The following CSF1R variants were observed in gnomAD, a reference collection of about 807,000 sequenced individuals.
CSF1R encodes colony stimulating factor 1 receptor, also known as macrophage colony-stimulating factor 1 receptor.
CSF1R carries 40 observed loss-of-function variants against 110.0 expected under a neutral mutation model. The ratio of observed to expected loss-of-function variants is 0.36; its 90% CI spans 0.28 to 0.47. The LOEUF is 0.47. CSF1R is among the 20% of genes least tolerant of loss of function. The pLI is 0.99. For synonymous variants in CSF1R, 523 were observed against 503.4 expected (o/e 1.04, Z -0.52); for missense variants, 1,052 against 1,253.0 (o/e 0.84, Z 2.42).
chr5:150,058,451 C>G (rs1402708119), intron 14 of CSF1R, among the ~76,000 whole-genome samples: 1 of 152,202 alleles, frequency 6.6e-6, no homozygotes, highest in South Asian at 2.1e-4. Flanking sequence ...CCGAAAAAAC[C>G]TTCCGCTCCC....
chr5:150,098,943 T>C (rs1759309369), intron 1 of CSF1R, among the ~76,000 whole-genome samples: 1 of 148,690 alleles, frequency 6.7e-6, no homozygotes, highest in Non-Finnish European at 1.5e-5. Context: ...ACCCAGGCTA[T>C]AGTGCAGTGG....
intron 1 of CSF1R, among the ~76,000 whole-genome samples, chr5:150,095,618 A>G (rs1759195981): frequency 6.6e-6 from 1 of 152,162 alleles, no homozygotes. Flanking sequence ...AACTAGAAAA[A>G]GAAGAACAAA....
intron 1 of CSF1R, among the ~76,000 whole-genome samples, chr5:150,101,660 C>CT (rs34618542): frequency 0.026 from 3,621 of 140,024 alleles, 153 homozygotes; most frequent in African/African-American, 0.088. Flanking sequence ...TCCTTGCCTT[C>CT]TTTTTTTTTT....
chr5:150,091,446 A>G (rs546902531), upstream of CSF1R, among the ~76,000 whole-genome samples: 26 of 152,360 alleles, frequency 1.7e-4, no homozygotes, highest in African/African-American at 6.0e-4. Context: ...AAGGGAATGA[A>G]ATACTGGTAC....
At chr5:150,095,098 C>T (rs1759179650) in intron 1 of CSF1R, 1 of 518,790 alleles carries the variant, frequency 1.9e-6, no homozygotes, top group Admixed American at 3.7e-5. Flanking sequence ...TAAACAGTAC[C>T]TGCTCTCAAA....
chr5:150,059,481 C>T (rs2027798), intron 14 of CSF1R, among the ~76,000 whole-genome samples: 69,022 of 152,084 alleles, frequency 0.45, 18,599 homozygotes, highest in Non-Finnish European at 0.6. Context: ...TCCCAGAACA[C>T]GGTAGGTGTT....
intron 16 of CSF1R, 36 bp from the exon 17 acceptor site, chr5:150,056,377 TCTC>T (rs762982186): frequency 9.3e-6 from 15 of 1,612,400 alleles, no homozygotes; most frequent in African/African-American, 8.0e-5. Context: ...TCTTGGGCCT[TCTC>T]CTACCTGAGC....
chr5:150,055,145 G>T, intron 19 of CSF1R, 92 bp downstream of exon 19: 1 of 1,142,336 alleles, frequency 8.8e-7, no homozygotes, highest in Non-Finnish European at 1.3e-6. Flanking sequence ...GGAACATTTT[G>T]GACAGGGAAA....
intron 1 of CSF1R, among the ~76,000 whole-genome samples, chr5:150,103,825 G>A (rs1759471315): frequency 6.6e-6 from 1 of 152,128 alleles, no homozygotes; most frequent in African/African-American, 2.4e-5. Context: ...GTAGAAAGGG[G>A]GTGAGGTCCA....
chr5:150,070,209 C>T lies in CSF1R; in HGVS notation c.1292G>A (p.Trp431Ter), dbSNP rs1428002377. ...ATCAGTGTGGCCACTGCACTGCAGC[C>T]ATGTCACGTTGGGCTGGGGGTACCC... ...ASGYPQPNVTWLQCSGHTDRC... is the reference protein window; with the variant it reads ...ASGYPQPNVT The change falls in exon 8 of 21, where the codon TGG becomes TAG. Residue 431 changes from tryptophan (W) to a stop codon, truncating the protein, a stop_gained. Transcript: ENST00000675795. LOFTEE classifies it high-confidence loss of function. 2 of 1,614,094 alleles carry T rather than the reference C, an allele frequency of 1.2e-6. No homozygotes were observed. Among genetic ancestry groups the T allele is most frequent in the Non-Finnish European group, 1.7e-6 (2 of 1,180,002 alleles).
chr5:150,083,770 G>T (rs997008336), intron 1 of CSF1R, among the ~76,000 whole-genome samples: 16 of 152,164 alleles, frequency 1.1e-4, no homozygotes, highest in Non-Finnish European at 1.3e-4. Flanking sequence ...ACAGATAAAA[G>T]GTAAAATATC....
intron 10 of CSF1R, among the ~76,000 whole-genome samples, chr5:150,062,461 C>T (rs1757574821): frequency 1.4e-5 from 2 of 146,774 alleles, no homozygotes; most frequent in South Asian, 4.3e-4. Context: ...CATGATTCTG[C>T]TGTCTCTGTG....
intron 3 of CSF1R, among the ~76,000 whole-genome samples, chr5:150,079,599 G>A (rs767983265): frequency 5.1e-4 from 77 of 151,556 alleles, no homozygotes; most frequent in Non-Finnish European, 1.0e-3. Context: ...CTGAGCTTCC[G>A]TCCTCTTTCC....
chr5:150,079,935 G>A (rs1286251016), intron 3 of CSF1R, 117 bp downstream of exon 3: 3 of 1,242,414 alleles, frequency 2.4e-6, no homozygotes, highest in Non-Finnish European at 2.2e-6. Context: ...AGAAGTGAAA[G>A]AAAGAGGACA....
Position 150,061,751 on chromosome 5 carries a change from C to T in CSF1R, c.1725G>A (p.Trp575Ter). 2.5e-6 allele frequency: 4 copies of T among 1,614,198 alleles called. No homozygotes were observed. The highest frequency in any genetic ancestry group is 3.4e-6 in the Non-Finnish European group (4 of 1,180,042). ...ACTGCAGGTTGTTCCGGGGGAACTC[C>T]CACTTCTCGTTGTAAGGCAGCTGCG... is the stretch of plus-strand genomic sequence containing the variant. ...DPTQLPYNEK[W>*]EFPRNNLQFG... Residue 575 changes from tryptophan (W) to a stop codon, truncating the protein, a stop_gained, in exon 11 of 21, where the codon TGG becomes TGA. Transcript: ENST00000675795. LOFTEE classifies it high-confidence loss of function.
At chr5:150,087,282 C>T (rs763002766), upstream of CSF1R, among the ~76,000 whole-genome samples, 15 of 152,204 alleles carry the variant, frequency 9.9e-5, no homozygotes, top group Non-Finnish European at 1.8e-4. Context: ...TTGTTTTCTT[C>T]CTGTATACAG....
intron 1 of CSF1R, among the ~76,000 whole-genome samples, chr5:150,109,192 C>A (rs975097335): frequency 6.6e-6 from 1 of 152,092 alleles, no homozygotes; most frequent in Non-Finnish European, 1.5e-5. Context: ...AAGGTAGGAG[C>A]AGGGAGGCTG....
chr5:150,060,950 C>G lies in CSF1R; in HGVS notation c.1881G>C (p.Lys627Asn). ...TCTTCAGCTCGGACATGAGGGCCTC[C>G]TTCTCATCAGCATGGGCCGTGGCTG... is the stretch of plus-strand genomic sequence containing the variant. The part of the protein sequence containing the change: ...MLKSTAHADE[K>N]EALMSELKIM... The change falls in exon 13 of 21, where the codon AAG becomes AAC. Residue 627 changes from lysine (K) to asparagine (N), a missense_variant. Lys to Asn is a moderately conservative substitution (Grantham distance 94). This residue lies in a region of CSF1R where 76 missense variants were observed against 133.6 expected (regional missense o/e 0.57). Coordinates refer to ENST00000675795, the MANE Select transcript of CSF1R (RefSeq NM_001288705.3). 1 of 1,606,494 alleles carries G rather than the reference C, an allele frequency of 6.2e-7. No homozygotes were observed. Among genetic ancestry groups the G allele is most frequent in the Non-Finnish European group, 8.5e-7 (1 of 1,176,270 alleles).
At chr5:150,059,948 A>G in intron 13 of CSF1R, 86 bp from the exon 14 acceptor site, 1 of 1,469,098 alleles carries the variant, frequency 6.8e-7, no homozygotes, top group Non-Finnish European at 9.2e-7. Context: ...CAGTGAGGCC[A>G]CTGGACTTGG....
Sources: allele counts gnomAD v4.1 joint callset (sites outside exome capture counted in the v4.1 genomes callset), GRCh38; gene constraint gnomAD v4.1.1; regional missense constraint gnomAD v4.1.1; transcripts MANE v1.5; gene names NCBI Gene and HGNC (gene_info 2026-07-23, HGNC 2026-07-21).